Variants in FOXN3 observed in about 807,000 individuals in gnomAD.
The protein encoded by FOXN3 is forkhead box N3.
FOXN3 carries 7 observed loss-of-function variants against 38.4 expected under a neutral mutation model. That is an observed-to-expected ratio of 0.18 (90% CI 0.10 to 0.34). The LOEUF (loss-of-function observed/expected upper bound fraction) is 0.34, where lower values mean the gene tolerates loss of function less well. FOXN3 is among the 10% of genes least tolerant of loss of function. The probability of loss-of-function intolerance (pLI) is 1.00; values close to 1 mark genes in which losing one functional copy is unlikely to be tolerated. For missense variants in FOXN3, 456 were observed against 613.4 expected (o/e 0.74, Z 2.71); for synonymous variants, 230 against 242.2 (o/e 0.95, Z 0.47).
chr14:89,566,828 T>TTCC (rs374333609), intron 1 of FOXN3, among the ~76,000 whole-genome samples: 7 of 149,986 alleles, frequency 4.7e-5, no homozygotes, highest in Non-Finnish European at 7.4e-5. Context: ...CCCTACTCCC[T>TTCC]TCCTCCTCCT....
chr14:89,435,557 C>T (rs993340788), intron 1 of FOXN3, among the ~76,000 whole-genome samples: 3 of 152,104 alleles, frequency 2.0e-5, no homozygotes, highest in African/African-American at 4.8e-5. Flanking sequence ...CCAAAGCATT[C>T]GTTCCCTCAC....
chr14:89,238,160 C>T (rs58466422), intron 4 of FOXN3, among the ~76,000 whole-genome samples: 6,173 of 152,254 alleles, frequency 0.041, 270 homozygotes, highest in African/African-American at 0.1. Flanking sequence ...AGCACCAGAA[C>T]GAAGCCCAAC....
At chr14:89,473,933 A>G (rs544769299) in intron 1 of FOXN3, among the ~76,000 whole-genome samples, 3 of 152,364 alleles carry the variant, frequency 2.0e-5, no homozygotes, top group South Asian at 4.1e-4. Flanking sequence ...CACGCTAAAA[A>G]AAAAAATAAA....
intron 2 of FOXN3, among the ~76,000 whole-genome samples, chr14:89,385,262 A>C (rs1246157244): frequency 6.6e-6 from 1 of 152,166 alleles, no homozygotes; most frequent in East Asian, 1.9e-4. Flanking sequence ...ATACCTACAT[A>C]AACATGCTAA....
chr14:89,448,951 A>C (rs1005107766), intron 1 of FOXN3, among the ~76,000 whole-genome samples: 3 of 152,240 alleles, frequency 2.0e-5, no homozygotes, highest in Non-Finnish European at 4.4e-5. Context: ...TCTCAAAAAA[A>C]AAAAAGAAAG....
chr14:89,222,407 T>TA (rs2139843909), intron 4 of FOXN3, among the ~76,000 whole-genome samples: 1 of 152,218 alleles, frequency 6.6e-6, no homozygotes, highest in South Asian at 2.1e-4. Context: ...TTACATATAT[T>TA]AAGATACAAA....
At chr14:89,493,685 GCTC>G (rs1351210122) in intron 1 of FOXN3, among the ~76,000 whole-genome samples, 1 of 152,070 alleles carries the variant, frequency 6.6e-6, no homozygotes, top group Non-Finnish European at 1.5e-5. Flanking sequence ...CAACCTCTCT[GCTC>G]CTCACCTGAT....
chr14:89,287,336 T>C (rs1886659032), intron 3 of FOXN3, among the ~76,000 whole-genome samples: 1 of 152,040 alleles, frequency 6.6e-6, no homozygotes, highest in African/African-American at 2.4e-5. Context: ...GTAATTTTAG[T>C]AGAGACACAG....
intron 1 of FOXN3, among the ~76,000 whole-genome samples, chr14:89,527,704 A>AT (rs1555358781): frequency 0.078 from 9,250 of 118,862 alleles, 774 homozygotes; most frequent in African/African-American, 0.22. Context: ...ACAATGGCTA[A>AT]TTTTTTTTTT....
intron 1 of FOXN3, among the ~76,000 whole-genome samples, chr14:89,504,300 C>T (rs1432860058): frequency 6.6e-6 from 1 of 152,232 alleles, no homozygotes; most frequent in Non-Finnish European, 1.5e-5. Flanking sequence ...CATGTGTTTG[C>T]AGGACGGCTG....
At chr14:89,561,079 T>C (rs535662088) in intron 1 of FOXN3, among the ~76,000 whole-genome samples, 1 of 152,296 alleles carries the variant, frequency 6.6e-6, no homozygotes, top group Admixed American at 6.5e-5. Flanking sequence ...CGGAGATCCA[T>C]GCAGCCCTGG....
intron 4 of FOXN3, among the ~76,000 whole-genome samples, chr14:89,208,177 C>T (rs557176808): frequency 2.6e-5 from 4 of 152,282 alleles, no homozygotes; most frequent in Admixed American, 2.0e-4. Context: ...TCCAAATTGA[C>T]CTCTTGTGGC....
At chr14:89,264,213 C>T (rs1885897092) in intron 4 of FOXN3, among the ~76,000 whole-genome samples, 2 of 152,118 alleles carry the variant, frequency 1.3e-5, no homozygotes, top group African/African-American at 4.8e-5. Context: ...AAGACATACC[C>T]GAGACTGGGT....
intron 1 of FOXN3, among the ~76,000 whole-genome samples, chr14:89,592,627 T>A (rs779619581): frequency 6.6e-6 from 1 of 152,218 alleles, no homozygotes; most frequent in Non-Finnish European, 1.5e-5. Flanking sequence ...CCTATAATTA[T>A]ATACCTAACC....
chr14:89,515,343 CTG>C (rs1894179670), intron 1 of FOXN3, among the ~76,000 whole-genome samples: 1 of 152,318 alleles, frequency 6.6e-6, no homozygotes, highest in Non-Finnish European at 1.5e-5. Flanking sequence ...ACAGCACACA[CTG>C]TCATTTAGAA....
intron 1 of FOXN3, among the ~76,000 whole-genome samples, chr14:89,455,148 C>T (rs943067028): frequency 6.6e-6 from 1 of 152,206 alleles, no homozygotes; most frequent in Non-Finnish European, 1.5e-5. Flanking sequence ...AGATTAAAGG[C>T]CTGATGAGAA....
intron 4 of FOXN3, among the ~76,000 whole-genome samples, chr14:89,181,502 C>G (rs1315745902): frequency 2.0e-5 from 3 of 152,242 alleles, no homozygotes; most frequent in East Asian, 1.9e-4. Context: ...TTCATCCCCC[C>G]AGGCGATCCT....
intron 1 of FOXN3, among the ~76,000 whole-genome samples, chr14:89,612,720 A>G (rs1210922413): frequency 6.6e-6 from 1 of 151,866 alleles, no homozygotes; most frequent in East Asian, 1.9e-4. Context: ...CTTGAGCCCA[A>G]GAGTTCGAGG....
chr14:89,233,814 T>C (rs1244014150), intron 4 of FOXN3, among the ~76,000 whole-genome samples: 1 of 152,230 alleles, frequency 6.6e-6, no homozygotes, highest in Non-Finnish European at 1.5e-5. Context: ...GTTTATCATC[T>C]GTCAAGAGGA....
Sources: allele counts gnomAD v4.1 joint callset (sites outside exome capture counted in the v4.1 genomes callset), GRCh38; gene constraint gnomAD v4.1.1; transcripts MANE v1.5; gene names NCBI Gene and HGNC (gene_info 2026-07-23, HGNC 2026-07-21).